LNP1: variants seen among roughly 807,000 people sequenced by gnomAD.
LNP1 encodes the protein leukemia NUP98 fusion partner 1.
Under a neutral mutation model 14.5 loss-of-function variants are expected in LNP1, and 12 were observed. That is an observed-to-expected ratio of 0.83 (90% CI 0.53 to 1.34). The LOEUF (loss-of-function observed/expected upper bound fraction) is 1.34. Among genes scored for constraint, LNP1 ranks in the 40% most tolerant of loss-of-function variants. The probability of loss-of-function intolerance (pLI) is 0.00; values close to 1 mark genes in which losing one functional copy is unlikely to be tolerated. For synonymous variants in LNP1, 75 were observed against 71.4 expected, an observed-to-expected ratio of 1.05 and a Z score of -0.26; for missense variants, 198 against 210.9, an observed-to-expected ratio of 0.94 and a Z score of 0.38.
At chr3:100,409,883 C>A (rs1024506495) in intron 1 of LNP1, among the ~76,000 whole-genome samples, 1 of 151,840 alleles carries the variant, frequency 6.6e-6, no homozygotes, top group South Asian at 2.1e-4. Context: ...GCGTGAGCCA[C>A]CACACCCAGC....
intron 3 of LNP1, among the ~76,000 whole-genome samples, chr3:100,453,358 A>T (rs1376641322): frequency 6.6e-6 from 1 of 151,708 alleles, no homozygotes; most frequent in African/African-American, 2.4e-5. Flanking sequence ...AGGCCACGGG[A>T]TCGCTTGAGG....
intron 3 of LNP1, among the ~76,000 whole-genome samples, chr3:100,454,706 T>C (rs1707492625): frequency 6.6e-6 from 1 of 152,242 alleles, no homozygotes; most frequent in Non-Finnish European, 1.5e-5. Context: ...TAGTCTTTAA[T>C]CATCACTCTA....
At chr3:100,430,044 C>A (rs770779361) in intron 2 of LNP1, among the ~76,000 whole-genome samples, 159 bp downstream of exon 2, 1 of 152,120 alleles carries the variant, frequency 6.6e-6, no homozygotes, top group Non-Finnish European at 1.5e-5. Context: ...CTTATTATTT[C>A]ATCTTGTCTT....
chr3:100,414,916 G>A (rs1037284753), intron 1 of LNP1, among the ~76,000 whole-genome samples: 11 of 152,278 alleles, frequency 7.2e-5, no homozygotes, highest in Admixed American at 2.6e-4. Context: ...TAATAAATTA[G>A]TGTGGTTTTA....
Position 100,455,841 on chromosome 3 carries a change from A to C in LNP1, c.452A>C (p.Lys151Thr). ...ECLRMEIKSRKKVEEERSSRK... is the reference protein window; with the variant it reads ...ECLRMEIKSRTKVEEERSSRK... ...CTGAGGATGGAGATAAAATCCCGAA[A>C]GAAAGTAGAGGAAGAAAGGAGCTCT... Residue 151 changes from lysine (K) to threonine (T), a missense_variant, in exon 4 of 4, where the codon AAG becomes ACG. Physicochemically the swap from Lys to Thr is moderately conservative, Grantham distance 78. Transcript: ENST00000383693. 1 of 1,614,144 alleles carries C rather than the reference A, an allele frequency of 6.2e-7. No individual in the cohort carries two copies. Among genetic ancestry groups the C allele is most frequent in the South Asian group, 1.1e-5 (1 of 91,088 alleles).
chr3:100,452,434 T>C (rs1707469270), intron 3 of LNP1, among the ~76,000 whole-genome samples: 1 of 152,098 alleles, frequency 6.6e-6, no homozygotes, highest in Admixed American at 6.6e-5. Flanking sequence ...TTCAAACTTC[T>C]GGGCTCAAGC....
chr3:100,443,506 CTT>C (rs1707362899), intron 2 of LNP1, among the ~76,000 whole-genome samples: 1 of 151,966 alleles, frequency 6.6e-6, no homozygotes, highest in Non-Finnish European at 1.5e-5. Flanking sequence ...TCAGATAAGA[CTT>C]TTTTAAAAGC....
chr3:100,444,465 C>T (rs1276578758), intron 2 of LNP1, among the ~76,000 whole-genome samples: 3 of 152,162 alleles, frequency 2.0e-5, no homozygotes, highest in Non-Finnish European at 2.9e-5. Flanking sequence ...TTTGATAATG[C>T]TTCCTGTATA....
intron 1 of LNP1, among the ~76,000 whole-genome samples, chr3:100,415,929 G>A (rs1164500485): frequency 1.3e-5 from 2 of 152,122 alleles, no homozygotes; most frequent in Non-Finnish European, 2.9e-5. Context: ...TTAAAAAAAA[G>A]GTTGTATTGT....
At chr3:100,449,631 A>G in intron 2 of LNP1, among the ~76,000 whole-genome samples, 1 of 152,196 alleles carries the variant, frequency 6.6e-6, no homozygotes, top group East Asian at 1.9e-4. Flanking sequence ...GTCCTAGGAG[A>G]CAAAACAAAC....
Position 100,424,464 on chromosome 3 carries a change from C to A in LNP1, c.-33-5233C>A, listed in dbSNP as rs142818888. Among the ~76,000 whole-genome samples the A allele has an allele frequency of 2.6e-4, 39 of 152,300 alleles. 1 individual carries two copies. The East Asian group carries it at 7.5e-3, about 29-fold the overall frequency. On this transcript the variant is annotated intron_variant, in intron 1 of 3. Transcript: ENST00000383693. ...GGAGTTACAAAGTACACACCTAATT[C>A]CTCCAGCAATGCTTTGTGGCCATTG... is the stretch of plus-strand genomic sequence containing the variant.
At chr3:100,435,147 G>T (rs1362675566) in intron 2 of LNP1, among the ~76,000 whole-genome samples, 1 of 152,164 alleles carries the variant, frequency 6.6e-6, no homozygotes, top group Non-Finnish European at 1.5e-5. Context: ...TTAATCCAAG[G>T]AAATGAAACT....
At chr3:100,420,597 G>T (rs1707134758) in intron 1 of LNP1, among the ~76,000 whole-genome samples, 2 of 151,900 alleles carry the variant, frequency 1.3e-5, no homozygotes, top group Non-Finnish European at 1.5e-5. Context: ...GATTACAGGT[G>T]TGAGCCACCA....
At chr3:100,449,865 G>A (rs1707422069) in intron 2 of LNP1, among the ~76,000 whole-genome samples, 1 of 151,908 alleles carries the variant, frequency 6.6e-6, no homozygotes, top group Admixed American at 6.6e-5. Context: ...AACCAGAAAG[G>A]GCTTTATTTA....
At chr3:100,452,686 C>T (rs1320166274) in intron 3 of LNP1, among the ~76,000 whole-genome samples, 3 of 152,138 alleles carry the variant, frequency 2.0e-5, no homozygotes, top group Admixed American at 6.5e-5. Flanking sequence ...AACACAAGAA[C>T]GACCAAACAC....
intron 2 of LNP1, 86 bp downstream of exon 2, chr3:100,429,971 AT>A: frequency 7.0e-7 from 1 of 1,419,272 alleles, no homozygotes; most frequent in Non-Finnish European, 9.5e-7. Context: ...ATCTTTGGAT[AT>A]AAAGTTTTCT....
intron 1 of LNP1, among the ~76,000 whole-genome samples, chr3:100,402,839 C>T (rs957606793): frequency 2.0e-5 from 3 of 152,122 alleles, no homozygotes; most frequent in South Asian, 2.1e-4. Flanking sequence ...AAAAGTCTTC[C>T]TTCAGTCCCT....
At chr3:100,430,785 A>T (rs901262542) in intron 2 of LNP1, among the ~76,000 whole-genome samples, 1 of 152,232 alleles carries the variant, frequency 6.6e-6, no homozygotes, top group Non-Finnish European at 1.5e-5. Context: ...GACATATGAA[A>T]GTGTGTAAGG....
At chr3:100,443,409 C>T (rs1240786262) in intron 2 of LNP1, among the ~76,000 whole-genome samples, 1 of 152,192 alleles carries the variant, frequency 6.6e-6, no homozygotes. Context: ...TTGGCCTAAT[C>T]ATTTGTATAC....
Sources: gnomAD v4.1 joint callset for allele counts (sites outside exome capture counted in the v4.1 genomes callset) on GRCh38, gnomAD v4.1.1 for gene constraint, MANE v1.5 for transcripts, NCBI Gene and HGNC (gene_info 2026-07-23, HGNC 2026-07-21) for gene names.